Variants in DGAT2 observed in about 807,000 individuals in gnomAD.
The protein encoded by DGAT2 is diacylglycerol O-acyltransferase 2.
DGAT2 carries 33 observed loss-of-function variants against 48.4 expected under a neutral mutation model. That is an observed-to-expected ratio of 0.68 (90% CI 0.52 to 0.91). The LOEUF is 0.91. DGAT2 is among the 40% of genes least tolerant of loss of function. The pLI, the probability that DGAT2 is intolerant of heterozygous loss-of-function variation, is 0.00. For missense variants in DGAT2, 446 were observed against 493.7 expected, an observed-to-expected ratio of 0.90 and a Z score of 0.92; for synonymous variants, 191 against 194.1, an observed-to-expected ratio of 0.98 and a Z score of 0.13.
At chr11:75,779,602 C>T (rs1393069087) in intron 1 of DGAT2, among the ~76,000 whole-genome samples, 1 of 152,148 alleles carries the variant, frequency 6.6e-6, no homozygotes. Context: ...CTGGGCCTCT[C>T]TGGCAGCTCT....
intron 1 of DGAT2, among the ~76,000 whole-genome samples, chr11:75,780,581 G>A (rs536449981): frequency 1.3e-5 from 2 of 152,310 alleles, no homozygotes; most frequent in Admixed American, 6.5e-5. Context: ...TGCTGTAGAA[G>A]ATGCCTGCTC....
At chr11:75,773,867 A>G (rs992914936) in intron 1 of DGAT2, 1 of 152,300 alleles carries the variant, frequency 6.6e-6, no homozygotes, top group African/African-American at 2.4e-5. Context: ...TCTTCCTGGA[A>G]GAGGTGACAT....
At chr11:75,771,598 C>A (rs1944758436) in intron 1 of DGAT2, among the ~76,000 whole-genome samples, 1 of 152,094 alleles carries the variant, frequency 6.6e-6, no homozygotes, top group Non-Finnish European at 1.5e-5. Context: ...CACTGTGGAT[C>A]TGCTTGAAAC....
chr11:75,790,181 C>T lies in DGAT2; in HGVS notation c.251-7C>T, dbSNP rs1157348362. 6.2e-7 allele frequency: 1 copy of T among 1,607,914 alleles called. No homozygotes were observed. Among genetic ancestry groups the T allele is most frequent in the South Asian group, 1.1e-5 (1 of 90,934 alleles). On this transcript the variant is annotated splice_region_variant and splice_polypyrimidine_tract_variant and intron_variant, in intron 2 of 7. Transcript: ENST00000228027. ...TAGGACCTGACCTGTGGCCATCTGC[C>T]CCCCAGGAGTGGCCTGCAGTGCCAT... is the stretch of plus-strand genomic sequence containing the variant.
chr11:75,800,213 C>A (rs1057164516), intron 7 of DGAT2, 141 bp from the exon 8 acceptor site: 2 of 1,115,924 alleles, frequency 1.8e-6, no homozygotes, highest in Non-Finnish European at 2.5e-6. Flanking sequence ...AGGGGACAAC[C>A]AGAGATGCAG....
At chr11:75,778,437 C>T (rs1407648601) in intron 1 of DGAT2, among the ~76,000 whole-genome samples, 1 of 152,310 alleles carries the variant, frequency 6.6e-6, no homozygotes, top group East Asian at 1.9e-4. Context: ...ACTCTGCTTG[C>T]TCACTACATA....
At chr11:75,792,357 C>T (rs577845369) in intron 4 of DGAT2, 5 of 152,282 alleles carry the variant, frequency 3.3e-5, no homozygotes, top group South Asian at 2.1e-4. Flanking sequence ...AGCCTCAACC[C>T]GGGGCTTAGG....
chr11:75,785,485 C>A (rs770621698), intron 2 of DGAT2, among the ~76,000 whole-genome samples: 5 of 152,208 alleles, frequency 3.3e-5, no homozygotes, highest in Non-Finnish European at 5.9e-5. Flanking sequence ...GCTTTTTCTG[C>A]AGGTCTGGCT....
chr11:75,777,686 C>A (rs1456008600), intron 1 of DGAT2, among the ~76,000 whole-genome samples: 1 of 152,152 alleles, frequency 6.6e-6, no homozygotes, highest in African/African-American at 2.4e-5. Context: ...TCCAGGTTGG[C>A]ATGTCCCCTG....
intron 7 of DGAT2, among the ~76,000 whole-genome samples, chr11:75,799,912 C>G (rs1327355861): frequency 6.6e-6 from 1 of 152,166 alleles, no homozygotes; most frequent in Non-Finnish European, 1.5e-5. Flanking sequence ...GCCACCACTC[C>G]TGGCCTACAC....
chr11:75,783,496 C>T (rs899272244), intron 1 of DGAT2, among the ~76,000 whole-genome samples: 1 of 152,106 alleles, frequency 6.6e-6, no homozygotes, highest in Admixed American at 6.6e-5. Flanking sequence ...CTTGTAGGCT[C>T]AGTTGAAAGG....
chr11:75,798,210 T>A lies in DGAT2; in HGVS notation c.810-17T>A. The stretch of plus-strand genomic sequence containing the variant: ...CCAGTAAGTAGGGTATGACAGACCC[T>A]GGCCTCTCCCTTCCAGAGCTGACCT... On this transcript the variant is annotated splice_polypyrimidine_tract_variant and intron_variant, in intron 6 of 7. Transcript: ENST00000228027. The A allele has an allele frequency of 6.2e-7, 1 of 1,613,880 alleles. No individual in the cohort carries two copies.
rs561545596 is a variant in DGAT2, at chr11:75,796,688, A to C, written c.634+156A>C. On this transcript the variant is annotated intron_variant, in intron 5 of 7. Transcript: ENST00000228027. ...CTTCAGACATGGTGGGTCAGGGCTG[A>C]GGAGGAGAGCTGTCCATATGGTCTT... The C allele has an allele frequency of 6.8e-5, 49 of 716,082 alleles. No individual in the cohort carries two copies. The South Asian group carries it at 8.2e-4, about 12-fold the overall frequency. 44.4% of individuals were successfully genotyped at this position (716,082 alleles called of 1,614,324 possible).
rs117778138 is a variant in DGAT2, at chr11:75,772,166, C to T, written c.121+3054C>T. ...ATGAGTGAAGGTTGTCTCCATGGTG[C>T]GGGTGGCAGCTCATCCCTTCTCAAA... On this transcript the variant is annotated intron_variant, in intron 1 of 7. Coordinates refer to ENST00000228027, the MANE Select transcript of DGAT2 (RefSeq NM_032564.5). Among the ~76,000 whole-genome samples, 21 of 152,256 alleles carry T rather than the reference C, an allele frequency of 1.4e-4. No homozygotes were observed. In the East Asian group the frequency reaches 3.5e-3, roughly 25 times the overall value.
At chr11:75,782,295 C>T (rs140030272) in intron 1 of DGAT2, among the ~76,000 whole-genome samples, 1 of 151,156 alleles carries the variant, frequency 6.6e-6, no homozygotes, top group African/African-American at 2.5e-5. Context: ...GATTTTGATT[C>T]AGTAAATCCA....
intron 4 of DGAT2, chr11:75,794,913 C>T (rs1212252576): frequency 4.4e-5 from 3 of 68,136 alleles, no homozygotes; most frequent in African/African-American, 2.0e-4. Context: ...CTCTTCTTTT[C>T]CCTCTCCCCT....
chr11:75,786,624 A>ACCACG (rs975132166), intron 2 of DGAT2, among the ~76,000 whole-genome samples: 2 of 152,130 alleles, frequency 1.3e-5, no homozygotes, highest in African/African-American at 4.8e-5. Context: ...GCCTGGCCTC[A>ACCACG]CCTCGCCTCG....
At chr11:75,798,986 G>A (rs1459470631) in intron 7 of DGAT2, among the ~76,000 whole-genome samples, 10 of 152,130 alleles carry the variant, frequency 6.6e-5, no homozygotes, top group East Asian at 3.9e-4. Context: ...CTTGGCCCTC[G>A]TCTGTGTTGT....
At chr11:75,786,277 T>C (rs971837219) in intron 2 of DGAT2, among the ~76,000 whole-genome samples, 2 of 152,154 alleles carry the variant, frequency 1.3e-5, no homozygotes, top group Non-Finnish European at 2.9e-5. Context: ...TGTGACCCCT[T>C]CTTGTTAAAA....
Sources: gnomAD v4.1 joint callset for allele counts (sites outside exome capture counted in the v4.1 genomes callset) on GRCh38, gnomAD v4.1.1 for gene constraint, MANE v1.5 for transcripts, NCBI Gene and HGNC (gene_info 2026-07-23, HGNC 2026-07-21) for gene names.